The following NSD3 variants were observed in gnomAD, a reference collection of about 807,000 sequenced individuals.
NSD3 encodes the protein nuclear receptor binding SET domain protein 3.
NSD3 carries 24 observed loss-of-function variants against 160.8 expected under a neutral mutation model. The ratio of observed to expected loss-of-function variants is 0.15; its 90% CI spans 0.11 to 0.21. The LOEUF (loss-of-function observed/expected upper bound fraction) is 0.21. NSD3 is among the 10% of genes least tolerant of loss of function. NSD3 has a pLI of 1.00. For missense variants in NSD3, 1,157 were observed against 1,735.9 expected (o/e 0.67, Z 5.93); for synonymous variants, 520 against 600.0 (o/e 0.87, Z 1.95).
intron 1 of NSD3, among the ~76,000 whole-genome samples, chr8:38,378,529 C>A (rs547509035): frequency 3.5e-4 from 54 of 152,270 alleles, no homozygotes; most frequent in African/African-American, 1.3e-3. Flanking sequence ...GTAGTCCCAG[C>A]TGCTCCAGAG....
intron 2 of NSD3, among the ~76,000 whole-genome samples, chr8:38,341,030 C>CT (rs1386087954): frequency 6.6e-6 from 1 of 151,962 alleles, no homozygotes; most frequent in African/African-American, 2.4e-5. Flanking sequence ...CCCAACTACT[C>CT]TGAGGGGCTG....
At position 38,321,154 on chromosome 8, in the gene NSD3, T is replaced by A; in HGVS notation, c.1727A>T (p.Gln576Leu). 3 of 1,612,440 alleles carry A rather than the reference T, an allele frequency of 1.9e-6. No homozygotes were observed. Among genetic ancestry groups the A allele is most frequent in the Non-Finnish European group, 2.5e-6 (3 of 1,179,700 alleles). The change falls in exon 8 of 24, where the codon CAA (glutamine) becomes CTA (leucine). Residue 576 changes from glutamine to leucine, a missense_variant. Coordinates refer to ENST00000317025, the MANE Select transcript of NSD3 (RefSeq NM_023034.2). This position sits in a 1 kb window ranked among gnomAD's most constrained non-coding sequence, Gnocchi z 4.7. The part of the protein sequence containing the change: ...SGSTGSVEKK[Q>L]QRRSIRTRSE... ...ACGAGTTCTAATTGATCTTCTCTGT[T>A]GCTTCTTTTCTACTGAGCCTAAGAA...
intron 1 of NSD3, among the ~76,000 whole-genome samples, chr8:38,355,352 C>T (rs1389994549): frequency 3.3e-5 from 5 of 151,372 alleles, no homozygotes; most frequent in African/African-American, 9.7e-5. Context: ...AGCCTGGCCA[C>T]TTGTTGGCTA....
chr8:38,326,806 T>C lies in NSD3; in HGVS notation c.1632A>G (p.Ile544Met). 1 of 1,614,106 alleles carries C rather than the reference T, an allele frequency of 6.2e-7. No homozygotes were observed. The highest frequency in any genetic ancestry group is 8.5e-7 in the Non-Finnish European group (1 of 1,180,004). The change falls in exon 7 of 24, where the codon ATA becomes ATG. Residue 544 changes from isoleucine (I) to methionine (M), a missense_variant. Coordinates refer to ENST00000317025, the MANE Select transcript of NSD3 (RefSeq NM_023034.2). ...EISVRGQDRL[I>M]ISTPNQRNEK... Reference sequence around the variant, plus strand: ...CATTTCTCTGGTTTGGTGTAGAAATTATAAGCCTGTCTTGCCCCCTGACAC... The same window carrying C: ...CATTTCTCTGGTTTGGTGTAGAAATCATAAGCCTGTCTTGCCCCCTGACAC...
rs768279880 is a variant in NSD3, at chr8:38,288,446, G to A, written c.3501+41C>T. On this transcript the variant is annotated intron_variant, in intron 19 of 23. Transcript: ENST00000317025. This position sits in a 1 kb window ranked among gnomAD's most constrained non-coding sequence, Gnocchi z 4.5. ...CTACTGAAGCATTCCTGAAAAGCCAGGTTCTGGTCTCTTCCACCCCCCACC... is the reference window on the plus strand; with the variant it reads ...CTACTGAAGCATTCCTGAAAAGCCAAGTTCTGGTCTCTTCCACCCCCCACC... 1 of 1,594,934 alleles carries A rather than the reference G, an allele frequency of 6.3e-7. No individual in the cohort carries two copies. Among genetic ancestry groups the A allele is most frequent in the Non-Finnish European group, 8.6e-7 (1 of 1,168,962 alleles).
intron 1 of NSD3, among the ~76,000 whole-genome samples, chr8:38,361,279 C>T (rs1364807128): frequency 7.2e-6 from 1 of 138,576 alleles, no homozygotes; most frequent in Non-Finnish European, 1.5e-5. Context: ...CAGTTGTGAG[C>T]CACCACGCCC....
rs11290856 is a variant in NSD3, at chr8:38,293,922, C to CAAAAAA, written c.2915+1868_2915+1873dup. Among the ~76,000 whole-genome samples the CAAAAAA allele has an allele frequency of 9.0e-4, 45 of 49,948 alleles. 2 individuals are homozygous for CAAAAAA. Among genetic ancestry groups the CAAAAAA allele is most frequent in the African/African-American group, 1.3e-3 (14 of 10,806 alleles). 32.8% of individuals were successfully genotyped at this position (49,948 alleles called of 152,430 possible). On this transcript the variant is annotated intron_variant, in intron 16 of 23. Transcript: ENST00000317025. ...TGGGTGACAGAGTGAGACTCCGTCT[C>CAAAAAA]AAAAAAAAAAAAAAAAAAAAAAAAA...
chr8:38,338,454 T>G (rs1387755217), intron 3 of NSD3, 82 bp downstream of exon 3: 6 of 1,157,410 alleles, frequency 5.2e-6, no homozygotes, highest in Non-Finnish European at 5.2e-6. Flanking sequence ...GTAGTACCAA[T>G]ACAATTGTGT....
intron 16 of NSD3, among the ~76,000 whole-genome samples, chr8:38,294,732 C>A (rs1244181034): frequency 6.6e-6 from 1 of 152,060 alleles, no homozygotes; most frequent in Non-Finnish European, 1.5e-5. Context: ...AATTCTAGCA[C>A]TTTGGGAGGC....
chr8:38,353,389 T>C (rs1810748049), intron 1 of NSD3, among the ~76,000 whole-genome samples: 1 of 152,246 alleles, frequency 6.6e-6, no homozygotes, highest in South Asian at 2.1e-4. Flanking sequence ...AGTTCTCATT[T>C]ATACTTCCAA....
At chr8:38,342,101 A>G (rs1217283029) in intron 2 of NSD3, among the ~76,000 whole-genome samples, 6 of 152,216 alleles carry the variant, frequency 3.9e-5, no homozygotes, top group Non-Finnish European at 8.8e-5. Flanking sequence ...TTTTTTACAC[A>G]GTCATTTTAA....
chr8:38,314,873 A>C (rs961771087), intron 11 of NSD3, 100 bp from the exon 12 acceptor site: 16 of 1,318,470 alleles, frequency 1.2e-5, no homozygotes, highest in Non-Finnish European at 1.6e-5. Context: ...TCACCCACAG[A>C]CTGTGATTCA....
intron 1 of NSD3, among the ~76,000 whole-genome samples, chr8:38,348,885 T>C (rs1356842730): frequency 6.6e-6 from 1 of 152,048 alleles, no homozygotes; most frequent in East Asian, 1.9e-4. Context: ...TCTTGAACTC[T>C]TGGGCTCAAG....
chr8:38,352,157 G>A lies in NSD3; in HGVS notation c.-44-3942C>T, dbSNP rs77398247. 2.2e-3 allele frequency among the ~76,000 whole-genome samples: 339 copies of A among 152,230 alleles called. 9 individuals are homozygous for A. In the East Asian group the frequency reaches 0.06, roughly 27 times the overall value. On this transcript the variant is annotated intron_variant, in intron 1 of 23. Coordinates refer to ENST00000317025, the MANE Select transcript of NSD3 (RefSeq NM_023034.2). The stretch of plus-strand genomic sequence containing the variant: ...TACCATCTTGGTTCCAGTAGGATCT[G>A]CTGTAATAATAAAACAAATAACCCC...
At chr8:38,340,862 C>T (rs188059986) in intron 2 of NSD3, among the ~76,000 whole-genome samples, 378 of 152,226 alleles carry the variant, frequency 2.5e-3, no homozygotes, top group Middle Eastern at 6.8e-3. Flanking sequence ...ACACAAACAT[C>T]CAGTTAAAAA....
intron 19 of NSD3, among the ~76,000 whole-genome samples, chr8:38,285,756 T>C (rs1027874211): frequency 2.0e-5 from 3 of 152,216 alleles, no homozygotes. Context: ...TTAGATGTGG[T>C]TGGCCTTTGA....
At chr8:38,328,012 G>T (rs1809958821) in intron 6 of NSD3, among the ~76,000 whole-genome samples, 2 of 152,058 alleles carry the variant, frequency 1.3e-5, no homozygotes, top group Admixed American at 1.3e-4. Context: ...GACCAGCCTG[G>T]GCACCATAGT....
intron 19 of NSD3, among the ~76,000 whole-genome samples, chr8:38,285,075 G>T (rs1225047588): frequency 6.6e-6 from 1 of 152,066 alleles, no homozygotes; most frequent in Admixed American, 6.5e-5. Flanking sequence ...AAATGCTACA[G>T]ATCTGTCCTG....
intron 16 of NSD3, among the ~76,000 whole-genome samples, chr8:38,295,558 A>C (rs1196314040): frequency 6.6e-6 from 1 of 152,122 alleles, no homozygotes; most frequent in Non-Finnish European, 1.5e-5. Context: ...ACCGCCTCAC[A>C]AACAATCAAC....
Sources: allele counts gnomAD v4.1 joint callset (sites outside exome capture counted in the v4.1 genomes callset), GRCh38; gene constraint gnomAD v4.1.1; non-coding constraint Gnocchi (gnomAD v3.1); transcripts MANE v1.5; gene names NCBI Gene and HGNC (gene_info 2026-07-23, HGNC 2026-07-21).